LANCL2: variants seen among roughly 807,000 people sequenced by gnomAD.
LANCL2 encodes the protein lanC-like protein 2.
In LANCL2, 33 loss-of-function variants were observed where a neutral mutation model predicts 56.9. The observed-to-expected ratio is 0.58, with a 90% CI of 0.44 to 0.78. The LOEUF (loss-of-function observed/expected upper bound fraction) is 0.78, where lower values mean the gene tolerates loss of function less well. LANCL2 is among the 30% of genes least tolerant of loss of function. The pLI, the probability that LANCL2 is intolerant of heterozygous loss-of-function variation, is 0.00. For synonymous variants in LANCL2, 233 were observed against 228.2 expected, an observed-to-expected ratio of 1.02 and a Z score of -0.19; for missense variants, 562 against 580.2, an observed-to-expected ratio of 0.97 and a Z score of 0.32.
intron 3 of LANCL2, among the ~76,000 whole-genome samples, chr7:55,399,298 A>AG: frequency 6.7e-6 from 1 of 149,754 alleles, no homozygotes; most frequent in Non-Finnish European, 1.5e-5. Flanking sequence ...AAAAAAAAAA[A>AG]GACAGAATGA....
chr7:55,391,525 T>G (rs1346028368), intron 1 of LANCL2, among the ~76,000 whole-genome samples: 1 of 130,910 alleles, frequency 7.6e-6, no homozygotes, highest in Non-Finnish European at 1.7e-5. Context: ...CCATCCATTT[T>G]TCCTTTTTTT....
intron 5 of LANCL2, 81 bp from the exon 6 acceptor site, chr7:55,411,826 G>A: frequency 7.7e-7 from 1 of 1,298,810 alleles, no homozygotes; most frequent in Non-Finnish European, 1.1e-6. Flanking sequence ...CCAGGTAATT[G>A]ATGTTTTGTT....
intron 1 of LANCL2, among the ~76,000 whole-genome samples, chr7:55,391,166 G>C (rs942328512): frequency 1.3e-5 from 2 of 150,458 alleles, no homozygotes; most frequent in African/African-American, 2.4e-5. Flanking sequence ...ACAGGCGCCC[G>C]CCACCACGCC....
In LANCL2 at chr7:55,432,543, A is replaced by G. The variant is rs575394604; in HGVS notation, c.*1223A>G. ...ATCATGGAAGAGGTGGTCTGGGACT[A>G]GGTACTTCTCGTCTTGTGAGCTAAG... is the stretch of plus-strand genomic sequence containing the variant. On this transcript the variant is annotated 3_prime_UTR_variant, in exon 9 of 9. Transcript: ENST00000254770. 1 of 152,326 alleles carries G rather than the reference A, an allele frequency of 6.6e-6. No individual in the cohort carries two copies. The highest frequency in any genetic ancestry group is 2.1e-4 in the South Asian group (1 of 4,828). 9.4% of individuals were successfully genotyped at this position (152,326 alleles called of 1,614,324 possible). A position where few individuals can be genotyped will look rare whatever the true frequency, so the allele number is the denominator to read the frequency against.
intron 1 of LANCL2, among the ~76,000 whole-genome samples, chr7:55,384,410 G>A (rs891433959): frequency 6.6e-6 from 1 of 152,028 alleles, no homozygotes; most frequent in African/African-American, 2.4e-5. Flanking sequence ...AAATTAGCCG[G>A]GTGTGGTGGC....
chr7:55,425,142 C>A, intron 6 of LANCL2, 112 bp from the exon 7 acceptor site: 1 of 1,006,120 alleles, frequency 9.9e-7, no homozygotes, highest in Non-Finnish European at 1.5e-6. Flanking sequence ...ACCCCCAGTG[C>A]CATTTCAGTT....
chr7:55,372,830 T>C (rs6958331), intron 1 of LANCL2, among the ~76,000 whole-genome samples: 25,419 of 152,220 alleles, frequency 0.17, 2,247 homozygotes, highest in Middle Eastern at 0.24. Flanking sequence ...AAGGAAAATA[T>C]GGTTAGATGT....
chr7:55,392,373 A>G (rs962292723), intron 2 of LANCL2, among the ~76,000 whole-genome samples: 17 of 139,142 alleles, frequency 1.2e-4, no homozygotes, highest in Admixed American at 3.0e-4. Flanking sequence ...TGCCTGGGCT[A>G]GAGTACAGTG....
At chr7:55,405,443 T>C (rs1034446186) in intron 5 of LANCL2, among the ~76,000 whole-genome samples, 1 of 151,826 alleles carries the variant, frequency 6.6e-6, no homozygotes, top group East Asian at 1.9e-4. Context: ...TCTATCATAG[T>C]GTATTCTGTA....
chr7:55,366,220 G>C lies in LANCL2; in HGVS notation c.195G>C (p.Gln65His), dbSNP rs374837911. Residue 65 changes from glutamine to histidine, a missense_variant, in exon 1 of 9, where the codon CAG becomes CAC. Transcript: ENST00000254770. ...TTDEPGLPFHQDGKIIHNFIR... is the reference protein window; with the variant it reads ...TTDEPGLPFHHDGKIIHNFIR... ...ATGAGCCCGGCCTCCCTTTTCATCA[G>C]GACGGGAAGGTGAGTCGGCGGCCTG... 9 of 1,515,124 alleles carry C rather than the reference G, an allele frequency of 5.9e-6. No homozygotes were observed. The highest frequency in any genetic ancestry group is 4.3e-5 in the African/African-American group (3 of 70,236). The allele number at this position is 1,515,124 out of a possible 1,614,324, so 93.9% of individuals were successfully genotyped here.
chr7:55,404,295 TCTC>T (rs1205790237), intron 5 of LANCL2, among the ~76,000 whole-genome samples: 2 of 152,260 alleles, frequency 1.3e-5, no homozygotes, highest in South Asian at 4.1e-4. Flanking sequence ...TGCCCACTGT[TCTC>T]CTCCTCCTCC....
Position 55,365,882 on chromosome 7 carries a change from C to T in LANCL2, c.-144C>T. On this transcript the variant is annotated 5_prime_UTR_variant, in exon 1 of 9. It adds an upstream start codon to the 5' untranslated region. Transcript: ENST00000254770. ...CGCGACGAGGCAGTGCACGCTCAGA[C>T]GCCCCGCTCCTCCCGCCAGCGCGCG... is the stretch of plus-strand genomic sequence containing the variant. 1.7e-6 allele frequency: 1 copy of T among 571,442 alleles called. No homozygotes were observed. Among genetic ancestry groups the T allele is most frequent in the Non-Finnish European group, 2.9e-6 (1 of 348,118 alleles). The allele number at this position is 571,442 out of a possible 1,614,324, so 35.4% of individuals were successfully genotyped here. A position where few individuals can be genotyped will look rare whatever the true frequency, so the allele number is the denominator to read the frequency against.
At chr7:55,412,962 A>G (rs1790487419) in intron 6 of LANCL2, among the ~76,000 whole-genome samples, 1 of 152,190 alleles carries the variant, frequency 6.6e-6, no homozygotes, top group African/African-American at 2.4e-5. Flanking sequence ...CTACCGTAAT[A>G]AATTACTTAG....
At chr7:55,406,788 C>T (rs1790412710) in intron 5 of LANCL2, among the ~76,000 whole-genome samples, 1 of 152,164 alleles carries the variant, frequency 6.6e-6, no homozygotes, top group African/African-American at 2.4e-5. Context: ...AAAATAATCT[C>T]AGAACAACCA....
intron 1 of LANCL2, among the ~76,000 whole-genome samples, chr7:55,387,347 A>G (rs189993334): frequency 2.6e-5 from 4 of 152,342 alleles, no homozygotes; most frequent in Admixed American, 2.6e-4. Context: ...GTTGACCTTC[A>G]AAAAGAAACG....
At position 55,365,936 on chromosome 7, in the gene LANCL2, G is replaced by A. The variant is rs1789855502; in HGVS notation, c.-90G>A. The A allele has an allele frequency of 2.8e-6, 3 of 1,073,128 alleles. No homozygotes were observed. Among genetic ancestry groups the A allele is most frequent in the Middle Eastern group, 2.6e-4 (1 of 3,788 alleles). 66.5% of individuals were successfully genotyped at this position (1,073,128 alleles called of 1,614,324 possible). On this transcript the variant is annotated 5_prime_UTR_variant, in exon 1 of 9. Coordinates refer to ENST00000254770, the MANE Select transcript of LANCL2 (RefSeq NM_018697.4). ...TCGCTCCTCCTAGAGGACGCTCTCT[G>A]CGCGGGCCCTCGGAGGAGGCGGCGG... is the stretch of plus-strand genomic sequence containing the variant.
rs774177159 is a variant in LANCL2 at position 55,391,814 on chromosome 7, C to T, written c.226C>T (p.Arg76Trp). ...DGKIIHNFIR[R>W]IQTKIKDLLQ... Reference sequence around the variant, plus strand: ...TCAGATCATTCATAATTTCATAAGACGGATCCAGACCAAAATTAAAGATCT... The same window carrying T: ...TCAGATCATTCATAATTTCATAAGATGGATCCAGACCAAAATTAAAGATCT... The change falls in exon 2 of 9, where the codon CGG becomes TGG. Residue 76 changes from arginine (R) to tryptophan (W), a missense_variant. Physicochemically the swap from Arg to Trp is moderately radical, Grantham distance 101 (BLOSUM62 -3). Around this residue, in one of 2 missense-constraint regions of LANCL2, gnomAD observed 184 missense variants for 111.8 expected, o/e 1.65. Coordinates refer to ENST00000254770, the MANE Select transcript of LANCL2 (RefSeq NM_018697.4). 52 of 1,603,452 alleles carry T rather than the reference C, an allele frequency of 3.2e-5. No individual in the cohort carries two copies. Among genetic ancestry groups the T allele is most frequent in the Non-Finnish European group, 3.9e-5 (46 of 1,170,852 alleles).
intron 1 of LANCL2, among the ~76,000 whole-genome samples, chr7:55,380,025 A>G (rs754133090): frequency 2.6e-5 from 4 of 152,222 alleles, no homozygotes; most frequent in Non-Finnish European, 5.9e-5. Context: ...AAGGGAAGGT[A>G]TTTTACCACC....
At chr7:55,373,105 C>T (rs900506575) in intron 1 of LANCL2, among the ~76,000 whole-genome samples, 4 of 152,100 alleles carry the variant, frequency 2.6e-5, no homozygotes, top group Admixed American at 6.5e-5. Flanking sequence ...TCTCCAGATT[C>T]GTAAGTTTAT....
Sources: gnomAD v4.1 joint callset for allele counts (sites outside exome capture counted in the v4.1 genomes callset) on GRCh38, gnomAD v4.1.1 for gene constraint, gnomAD v4.1.1 regional missense constraint, MANE v1.5 for transcripts, NCBI Gene and HGNC (gene_info 2026-07-23, HGNC 2026-07-21) for gene names.